Variants in COL5A1 observed in about 807,000 individuals in gnomAD.
COL5A1 encodes the protein collagen type V alpha 1 chain.
In COL5A1, 16 loss-of-function variants were observed where a neutral mutation model predicts 263.7. The ratio of observed to expected loss-of-function variants is 0.06; its 90% CI spans 0.04 to 0.09. The LOEUF (loss-of-function observed/expected upper bound fraction) is 0.09, where lower values mean the gene tolerates loss of function less well. Ranked by LOEUF, COL5A1 falls within the 10% of genes least tolerant of loss-of-function variation. The pLI, the probability that COL5A1 is intolerant of heterozygous loss-of-function variation, is 1.00. For missense variants in COL5A1, 2,036 were observed against 2,540.5 expected (o/e 0.80, Z 4.27); for synonymous variants, 1,012 against 1,004.5 (o/e 1.01, Z -0.14).
chr9:134,695,623 G>A (rs1833433212), intron 2 of COL5A1, among the ~76,000 whole-genome samples: 1 of 152,164 alleles, frequency 6.6e-6, no homozygotes, highest in Non-Finnish European at 1.5e-5. Context: ...AGCAGGATAG[G>A]GGTTCCCTGA....
At position 134,681,999 on chromosome 9, in the gene COL5A1, G is replaced by C. The variant is rs114367723; in HGVS notation, c.110-8913G>C. Reference sequence around the variant, plus strand: ...TTGCTCTCTGTCTGTCCCCACAGCTGCCTTCCCCGAACCCCTGATCCCCAG... The same window carrying C: ...TTGCTCTCTGTCTGTCCCCACAGCTCCCTTCCCCGAACCCCTGATCCCCAG... On this transcript the variant is annotated intron_variant, in intron 1 of 65. Coordinates refer to ENST00000371817, the MANE Select transcript of COL5A1 (RefSeq NM_000093.5). The surrounding 1 kb of genome is among the most constrained non-coding windows in gnomAD (Gnocchi z 4.3). Among the ~76,000 whole-genome samples the C allele has an allele frequency of 2.9e-3, 437 of 151,070 alleles. 2 individuals are homozygous for C. Among genetic ancestry groups the C allele is most frequent in the African/African-American group, 0.01 (416 of 41,032 alleles).
chr9:134,752,537 C>G lies in COL5A1; in HGVS notation c.1663-52C>G, dbSNP rs368630316. On this transcript the variant is annotated intron_variant, in intron 13 of 65. Transcript: ENST00000371817. Reference sequence around the variant, plus strand: ...TCTCACGGCTCAGGCGCCAGCAAACCGGAGCACTGCTGCTGGGGCCCTGTC... The same window carrying G: ...TCTCACGGCTCAGGCGCCAGCAAACGGGAGCACTGCTGCTGGGGCCCTGTC... 2.1e-6 allele frequency: 3 copies of G among 1,428,758 alleles called. No homozygotes were observed. The East Asian group carries it at 6.8e-5, about 32-fold the overall frequency. 88.5% of individuals were successfully genotyped at this position (1,428,758 alleles called of 1,614,324 possible).
rs534931960 is a variant in COL5A1 at position 134,718,028 on chromosome 9, G to T, written c.655-9238G>T. On this transcript the variant is annotated intron_variant, in intron 4 of 65. Transcript: ENST00000371817. The stretch of plus-strand genomic sequence containing the variant: ...GGGCTGGGGGGCCGCGGCCACGGGA[G>T]CCTCTAATTTGGTGAGGTCCATGTT... 7.2e-5 allele frequency among the ~76,000 whole-genome samples: 11 copies of T among 152,308 alleles called. No individual in the cohort carries two copies. In the South Asian group the frequency reaches 2.1e-3, roughly 29 times the overall value.
chr9:134,752,276 G>T (rs546123684), intron 13 of COL5A1, among the ~76,000 whole-genome samples: 18 of 152,304 alleles, frequency 1.2e-4, no homozygotes, highest in African/African-American at 4.3e-4. Flanking sequence ...GTGATGGGCT[G>T]GGAGCAGGCC....
Position 134,812,635 on chromosome 9 carries a change from C to G in COL5A1, c.3775C>G (p.Pro1259Ala), listed in dbSNP as rs1352207961. 6.2e-7 allele frequency: 1 copy of G among 1,601,270 alleles called. No homozygotes were observed. The change falls in exon 48 of 66, where the codon CCC (proline) becomes GCC (alanine). Residue 1259 changes from proline to alanine, a missense_variant. Transcript: ENST00000371817. ...CCCGGGTCCCCCTGGCCCCCGAGGA[C>G]CCTCCGGAGCTCCAGGTGCTGATGG... ...GPPGPPGPRGPSGAPGADGPQ... is the reference protein window; with the variant it reads ...GPPGPPGPRGASGAPGADGPQ...
rs534556645 is a variant in COL5A1, at chr9:134,749,652, G to A, written c.1495-890G>A. ...TGCTCAGTGTAGCTGTTGCTGATTC[G>A]GAAGACTGCAGCCAGCACCCATCCG... On this transcript the variant is annotated intron_variant, in intron 11 of 65. Transcript: ENST00000371817. Among the ~76,000 whole-genome samples, 38 of 152,302 alleles carry A rather than the reference G, an allele frequency of 2.5e-4. No homozygotes were observed. In the East Asian group the frequency reaches 4.6e-3, roughly 19 times the overall value.
chr9:134,806,098 G>A (rs1838286636), intron 41 of COL5A1, 91 bp from the exon 42 acceptor site: 2 of 937,556 alleles, frequency 2.1e-6, no homozygotes, highest in Admixed American at 2.0e-5. Flanking sequence ...AGAGTGAGCA[G>A]GTAAGTGGAG....
chr9:134,811,988 T>G (rs547986782), intron 46 of COL5A1, among the ~76,000 whole-genome samples: 1 of 152,238 alleles, frequency 6.6e-6, no homozygotes, highest in Admixed American at 6.5e-5. Flanking sequence ...TGTTTGACAA[T>G]GAATCATGTC....
At chr9:134,685,466 AT>A (rs1833022149) in intron 1 of COL5A1, among the ~76,000 whole-genome samples, 3 of 90,418 alleles carry the variant, frequency 3.3e-5, no homozygotes, top group African/African-American at 9.0e-5. Flanking sequence ...CCATCCATCC[AT>A]TCATCCATCC....
intron 37 of COL5A1, among the ~76,000 whole-genome samples, chr9:134,799,233 G>C (rs958506897): frequency 2.0e-5 from 3 of 152,212 alleles, no homozygotes; most frequent in African/African-American, 4.8e-5. Flanking sequence ...TCAGAAATGG[G>C]ATCATTTTCC....
chr9:134,688,462 C>T (rs560419614), intron 1 of COL5A1, among the ~76,000 whole-genome samples: 8 of 152,218 alleles, frequency 5.3e-5, no homozygotes, highest in South Asian at 2.1e-4. Context: ...CAGGGCTGCG[C>T]GGTGCAGCCT....
intron 36 of COL5A1, among the ~76,000 whole-genome samples, chr9:134,797,351 G>T (rs1837949710): frequency 6.6e-6 from 1 of 152,174 alleles, no homozygotes; most frequent in Non-Finnish European, 1.5e-5. Flanking sequence ...GGGGAGATGG[G>T]GTACCAGGCC....
intron 14 of COL5A1, among the ~76,000 whole-genome samples, chr9:134,753,394 G>A (rs1184212407): frequency 2.6e-5 from 4 of 152,228 alleles, no homozygotes; most frequent in South Asian, 2.1e-4. Flanking sequence ...CACCACAGGG[G>A]CCCTCCTGGC....
chr9:134,773,560 C>T (rs907787968), intron 26 of COL5A1, among the ~76,000 whole-genome samples: 1 of 152,220 alleles, frequency 6.6e-6, no homozygotes, highest in African/African-American at 2.4e-5. Flanking sequence ...GGCCCACCTG[C>T]TCCAGGGTTC....
intron 11 of COL5A1, among the ~76,000 whole-genome samples, chr9:134,749,599 C>A (rs533589832): frequency 2.6e-5 from 4 of 152,186 alleles, no homozygotes; most frequent in African/African-American, 9.7e-5. Context: ...TGGCAGGGAG[C>A]GTCTCACTCA....
At chr9:134,823,608 C>T (rs1054060463) in intron 61 of COL5A1, 139 bp downstream of exon 61, 13 of 831,946 alleles carry the variant, frequency 1.6e-5, no homozygotes, top group South Asian at 9.9e-5. Flanking sequence ...GTCCCTCGCA[C>T]GCAGCCGGGG....
chr9:134,702,736 A>G (rs1833716495), intron 4 of COL5A1, among the ~76,000 whole-genome samples: 1 of 152,248 alleles, frequency 6.6e-6, no homozygotes, highest in African/African-American at 2.4e-5. Context: ...CTGGACATTC[A>G]GCAGAGTGCT....
In COL5A1 at chr9:134,652,773, G is replaced by A. The variant is rs755681380; in HGVS notation, c.109+10477G>A. 1.9e-4 allele frequency: 90 copies of A among 470,278 alleles called. 1 individual carries two copies. The East Asian group carries it at 2.4e-3, about 12-fold the overall frequency. The allele number at this position is 470,278 out of a possible 1,614,324, so 29.1% of individuals were successfully genotyped here. A position where few individuals can be genotyped will look rare whatever the true frequency, so the allele number is the denominator to read the frequency against. On this transcript the variant is annotated intron_variant, in intron 1 of 65. Transcript: ENST00000371817. The surrounding 1 kb of genome is among the most constrained non-coding windows in gnomAD (Gnocchi z 4.4). ...GGCCTCTTCTTAGGCCGGGTCCAGC[G>A]TTTCTCCTCATGGTGTAGACCAGCA...
At chr9:134,711,726 TC>T (rs780199263) in intron 4 of COL5A1, among the ~76,000 whole-genome samples, 97 of 152,090 alleles carry the variant, frequency 6.4e-4, no homozygotes, top group Non-Finnish European at 1.2e-3. Context: ...CGGCTTGGGG[TC>T]CCGGATAGGA....
Sources: gnomAD v4.1 joint callset for allele counts (sites outside exome capture counted in the v4.1 genomes callset) on GRCh38, gnomAD v4.1.1 for gene constraint, Gnocchi (gnomAD v3.1) non-coding constraint, MANE v1.5 for transcripts, NCBI Gene and HGNC (gene_info 2026-07-23, HGNC 2026-07-21) for gene names.